The following PCDH15 variants were observed in gnomAD, a reference collection of about 807,000 sequenced individuals.
PCDH15 encodes protocadherin-15.
In PCDH15, 129 loss-of-function variants were observed where a neutral mutation model predicts 178.5. That is an observed-to-expected ratio of 0.72 (90% confidence interval 0.63 to 0.84). PCDH15 has a LOEUF of 0.84. Ranked by LOEUF, PCDH15 falls within the 40% of genes least tolerant of loss-of-function variation. PCDH15 has a pLI of 0.00. For missense variants in PCDH15, 2,230 were observed against 2,099.9 expected, an observed-to-expected ratio of 1.06 and a Z score of -1.21; for synonymous variants, 800 against 732.0, an observed-to-expected ratio of 1.09 and a Z score of -1.50.
At chr10:54,994,217 T>C (rs1236495669) in intron 2 of PCDH15, among the ~76,000 whole-genome samples, 1 of 152,188 alleles carries the variant, frequency 6.6e-6, no homozygotes, top group Non-Finnish European at 1.5e-5. Flanking sequence ...TCATTCCTAA[T>C]TAATGTCCTA....
At chr10:54,677,350 C>T (rs548192151) in intron 1 of PCDH15, among the ~76,000 whole-genome samples, 181 of 152,180 alleles carry the variant, frequency 1.2e-3, no homozygotes, top group Non-Finnish European at 1.8e-3. Flanking sequence ...ACTGCAGGGA[C>T]AGATTGAGAG....
intron 2 of PCDH15, among the ~76,000 whole-genome samples, chr10:55,469,900 A>T (rs1428390925): frequency 1.3e-5 from 2 of 152,058 alleles, no homozygotes; most frequent in Non-Finnish European, 2.9e-5. Flanking sequence ...TAATATTCTA[A>T]TTATTACACT....
chr10:54,507,774 C>G (rs907035287), intron 3 of PCDH15, among the ~76,000 whole-genome samples: 1 of 151,998 alleles, frequency 6.6e-6, no homozygotes, highest in Non-Finnish European at 1.5e-5. Flanking sequence ...TTTTTAAATA[C>G]TGTTAATCAC....
chr10:54,292,392 T>A (rs2059474955), intron 8 of PCDH15, among the ~76,000 whole-genome samples: 1 of 152,170 alleles, frequency 6.6e-6, no homozygotes, highest in African/African-American at 2.4e-5. Context: ...AATGGAAGCA[T>A]TCCTTTTGAA....
At chr10:54,116,167 C>G (rs1388008456) in intron 15 of PCDH15, among the ~76,000 whole-genome samples, 1 of 149,598 alleles carries the variant, frequency 6.7e-6, no homozygotes, top group Admixed American at 6.7e-5. Flanking sequence ...ACTATCAATT[C>G]TGTCACATCA....
intron 9 of PCDH15, among the ~76,000 whole-genome samples, chr10:54,226,570 A>T (rs970725803): frequency 1.3e-5 from 2 of 152,176 alleles, no homozygotes; most frequent in South Asian, 2.1e-4. Context: ...AAACCATATC[A>T]TTCTGCACTT....
At chr10:55,283,579 A>G (rs1209513257) in intron 1 of PCDH15, among the ~76,000 whole-genome samples, 1 of 151,314 alleles carries the variant, frequency 6.6e-6, no homozygotes, top group East Asian at 1.9e-4. Context: ...TCTTATTACT[A>G]TTCTTCCTTT....
At chr10:54,222,621 A>G (rs1463663129) in intron 9 of PCDH15, among the ~76,000 whole-genome samples, 1 of 152,192 alleles carries the variant, frequency 6.6e-6, no homozygotes, top group East Asian at 1.9e-4. Flanking sequence ...TGAGCATTTC[A>G]GATCTTCCAC....
chr10:53,884,589 T>C (rs1009088999), intron 26 of PCDH15, among the ~76,000 whole-genome samples: 1 of 152,208 alleles, frequency 6.6e-6, no homozygotes, highest in Non-Finnish European at 1.5e-5. Flanking sequence ...ACTGAACAGA[T>C]AGCTTTCATT....
intron 32 of PCDH15, among the ~76,000 whole-genome samples, chr10:53,820,941 G>A (rs1406680971): frequency 1.3e-5 from 2 of 151,830 alleles, no homozygotes; most frequent in African/African-American, 2.4e-5. Context: ...TTCTATTTAA[G>A]CTTTTTATAT....
chr10:54,133,876 C>CACACAT (rs1554806805), intron 14 of PCDH15, among the ~76,000 whole-genome samples: 1 of 133,504 alleles, frequency 7.5e-6, no homozygotes, highest in African/African-American at 2.7e-5. Flanking sequence ...CACACACACA[C>CACACAT]ATATATACAC....
At chr10:53,825,185 A>C in intron 32 of PCDH15, 1 of 1,517,634 alleles carries the variant, frequency 6.6e-7, no homozygotes, top group South Asian at 1.3e-5. Context: ...TGATAGAAAA[A>C]AAGAAGTTTT....
intron 5 of PCDH15, among the ~76,000 whole-genome samples, chr10:54,355,015 T>A (rs1007805567): frequency 6.6e-6 from 1 of 151,296 alleles, no homozygotes; most frequent in African/African-American, 2.4e-5. Context: ...TTCCACTAAT[T>A]ACTGCCTGTT....
chr10:54,066,048 T>G (rs983384718), intron 18 of PCDH15, among the ~76,000 whole-genome samples: 1 of 152,302 alleles, frequency 6.6e-6, no homozygotes, highest in East Asian at 1.9e-4. Context: ...AAACCAAGAT[T>G]CTTTCCTCCC....
chr10:55,555,896 C>G (rs1277562438), intron 2 of PCDH15, among the ~76,000 whole-genome samples: 1 of 152,106 alleles, frequency 6.6e-6, no homozygotes, highest in African/African-American at 2.4e-5. Context: ...TTCCTCCCCA[C>G]AATTTGCCTG....
intron 2 of PCDH15, among the ~76,000 whole-genome samples, chr10:55,479,266 A>C (rs144184926): frequency 2.0e-3 from 302 of 151,766 alleles, no homozygotes; most frequent in African/African-American, 6.9e-3. Flanking sequence ...AACTAAATCC[A>C]AGAGAACATC....
intron 2 of PCDH15, among the ~76,000 whole-genome samples, chr10:55,062,928 T>A (rs949502614): frequency 6.6e-6 from 1 of 152,080 alleles, no homozygotes; most frequent in African/African-American, 2.4e-5. Context: ...TAGTGGCCAA[T>A]ATTTTTGGAC....
At chr10:55,349,367 A>C (rs2131964585) in intron 2 of PCDH15, among the ~76,000 whole-genome samples, 1 of 152,176 alleles carries the variant, frequency 6.6e-6, no homozygotes, top group South Asian at 2.1e-4. Flanking sequence ...GTTTTCATGT[A>C]TTTTTTCATT....
At chr10:55,385,789 CTCT>C (rs1837645492) in intron 2 of PCDH15, among the ~76,000 whole-genome samples, 1 of 142,906 alleles carries the variant, frequency 7.0e-6, no homozygotes, top group African/African-American at 2.8e-5. Context: ...ATATGCATAT[CTCT>C]GTATATAGAT....
Sources: gnomAD v4.1 joint callset for allele counts (sites outside exome capture counted in the v4.1 genomes callset) on GRCh38, gnomAD v4.1.1 for gene constraint, MANE v1.5 for transcripts, NCBI Gene and HGNC (gene_info 2026-07-23, HGNC 2026-07-21) for gene names.